ZSWIM2: variants seen among roughly 807,000 people sequenced by gnomAD.
ZSWIM2 encodes the protein zinc finger SWIM-type containing 2.
Under a neutral mutation model 48.4 loss-of-function variants are expected in ZSWIM2, and 38 were observed. The observed-to-expected ratio is 0.79, with a 90% CI of 0.61 to 1.03. The LOEUF (loss-of-function observed/expected upper bound fraction) is 1.03, where lower values mean the gene tolerates loss of function less well. Ranked by LOEUF, ZSWIM2 falls within the 50% of genes least tolerant of loss-of-function variation. The pLI is 0.00. For missense variants in ZSWIM2, 776 were observed against 730.2 expected (o/e 1.06, Z -0.72); for synonymous variants, 240 against 251.3 (o/e 0.96, Z 0.42).
At chr2:186,841,131 G>C (rs73037785) in intron 3 of ZSWIM2, among the ~76,000 whole-genome samples, 1,867 of 151,462 alleles carry the variant, frequency 0.012, 37 homozygotes, top group African/African-American at 0.042. Flanking sequence ...TTATTTGAAG[G>C]CATTTTAGAT....
rs1198346250 is a variant in ZSWIM2, at chr2:186,834,135, T to C, written c.744-105A>G. The C allele has an allele frequency of 6.4e-6, 5 of 781,944 alleles. No individual in the cohort carries two copies. In the African/African-American group the frequency reaches 7.0e-5, roughly 11 times the overall value. The allele number at this position is 781,944 out of a possible 1,614,324, so 48.4% of individuals were successfully genotyped here. Reference sequence around the variant, plus strand: ...AAACTTCCTGGGAACAATCCAAACATGACAAGGTTCACCTCAAGTCACACT... The same window carrying C: ...AAACTTCCTGGGAACAATCCAAACACGACAAGGTTCACCTCAAGTCACACT... On this transcript the variant is annotated intron_variant, in intron 5 of 8. Coordinates refer to ENST00000295131, the MANE Select transcript of ZSWIM2 (RefSeq NM_182521.3).
At chr2:186,841,841 G>C (rs554071270) in intron 3 of ZSWIM2, among the ~76,000 whole-genome samples, 1 of 151,006 alleles carries the variant, frequency 6.6e-6, no homozygotes, top group South Asian at 2.1e-4. Flanking sequence ...ACATCTTTCT[G>C]GTGAGAATTT....
chr2:186,832,417 C>T (rs938535629), intron 7 of ZSWIM2, among the ~76,000 whole-genome samples: 5 of 152,024 alleles, frequency 3.3e-5, no homozygotes, highest in East Asian at 3.9e-4. Context: ...CCACAGCGCC[C>T]GGCCTAAATT....
At chr2:186,848,759 CA>C (rs1692048324) in intron 1 of ZSWIM2, 2 of 590,108 alleles carry the variant, frequency 3.4e-6, no homozygotes, top group Non-Finnish European at 2.9e-6. Context: ...TCTTAACCTC[CA>C]AAAAAGAAAC....
At position 186,834,023 on chromosome 2, in the gene ZSWIM2, C is replaced by G. The variant is rs376901560; in HGVS notation, c.751G>C (p.Glu251Gln). The stretch of plus-strand genomic sequence containing the variant: ...TGGCATAAGTGATATTCTATGCATT[C>G]GGTACACCTAAAAATACAAAACATC... ...PIEGKCYKCT[E>Q]CIEYHLCQEC... The change falls in exon 6 of 9, where the codon GAA (glutamate) becomes CAA (glutamine). Residue 251 changes from glutamate to glutamine, a missense_variant. By Grantham distance (29) the Glu-to-Gln change is conservative. Transcript: ENST00000295131. 6.2e-7 allele frequency: 1 copy of G among 1,608,176 alleles called. No individual in the cohort carries two copies. The highest frequency in any genetic ancestry group is 8.5e-7 in the Non-Finnish European group (1 of 1,175,936).
chr2:186,836,821 AT>A (rs1453504340), intron 5 of ZSWIM2, among the ~76,000 whole-genome samples: 1 of 152,138 alleles, frequency 6.6e-6, no homozygotes, highest in African/African-American at 2.4e-5. Flanking sequence ...AAGATATGAA[AT>A]AAAACAAAAC....
At chr2:186,843,799 T>C (rs1691949969) in intron 3 of ZSWIM2, among the ~76,000 whole-genome samples, 1 of 151,424 alleles carries the variant, frequency 6.6e-6, no homozygotes. Context: ...GTTGGAGACA[T>C]GGAAAATGGG....
rs183278275 is a variant in ZSWIM2 at position 186,831,791 on chromosome 2, C to T, written c.941+1329G>A. Among the ~76,000 whole-genome samples the T allele has an allele frequency of 7.0e-3, 1,070 of 152,020 alleles. 13 individuals carry two copies. The highest frequency in any genetic ancestry group is 0.025 in the African/African-American group (1,017 of 41,430). On this transcript the variant is annotated intron_variant, in intron 7 of 8. Transcript: ENST00000295131. ...ATCGCAAGGACAAAAAACCAAACACCGCATGTTCTCACTCATAGGTGGGAA... is the reference window on the plus strand; with the variant it reads ...ATCGCAAGGACAAAAAACCAAACACTGCATGTTCTCACTCATAGGTGGGAA...
chr2:186,829,243 G>T (rs1414618314), intron 8 of ZSWIM2, among the ~76,000 whole-genome samples: 1 of 152,006 alleles, frequency 6.6e-6, no homozygotes, highest in East Asian at 1.9e-4. Context: ...TTTGTTTACT[G>T]AACCAACTTC....
intron 2 of ZSWIM2, among the ~76,000 whole-genome samples, chr2:186,846,786 C>CAT (rs746197579): frequency 5.6e-5 from 6 of 106,326 alleles, no homozygotes; most frequent in East Asian, 5.4e-4. Flanking sequence ...TGTGTATAAA[C>CAT]ATATATATAT....
chr2:186,832,322 A>G lies in ZSWIM2; in HGVS notation c.941+798T>C, dbSNP rs1019355383. 8.1e-4 allele frequency among the ~76,000 whole-genome samples: 123 copies of G among 151,538 alleles called. 2 individuals carry two copies. Among genetic ancestry groups the G allele is most frequent in the Admixed American group, 8.0e-3 (122 of 15,174 alleles). On this transcript the variant is annotated intron_variant, in intron 7 of 8. Transcript: ENST00000295131. ...TTTTTAGTAGAGGCATGGTTTCACC[A>G]TGTTGGCCAGGCTGGTCTCGAACTT... is the stretch of plus-strand genomic sequence containing the variant.
At chr2:186,836,219 G>C (rs73037777) in intron 5 of ZSWIM2, among the ~76,000 whole-genome samples, 1,877 of 152,064 alleles carry the variant, frequency 0.012, 37 homozygotes, top group African/African-American at 0.043. Context: ...CACCCCTCTT[G>C]AGAAAATTTA....
At chr2:186,845,397 A>C (rs908014557) in intron 2 of ZSWIM2, among the ~76,000 whole-genome samples, 2 of 151,418 alleles carry the variant, frequency 1.3e-5, no homozygotes, top group African/African-American at 4.8e-5. Context: ...TGGAAAAAAA[A>C]CTATTTTAAA....
chr2:186,844,616 A>G, intron 3 of ZSWIM2, 101 bp downstream of exon 3: 1 of 1,205,228 alleles, frequency 8.3e-7, no homozygotes, highest in Non-Finnish European at 1.1e-6. Context: ...AAAAGTAACC[A>G]TCTAAATTTA....
intron 6 of ZSWIM2, among the ~76,000 whole-genome samples, chr2:186,833,517 A>G (rs1036777957): frequency 3.9e-5 from 6 of 152,116 alleles, no homozygotes; most frequent in African/African-American, 1.2e-4. Context: ...CAGCATCAGG[A>G]GATACTTTTT....
intron 5 of ZSWIM2, among the ~76,000 whole-genome samples, chr2:186,834,834 C>T (rs1234259866): frequency 6.6e-6 from 1 of 152,162 alleles, no homozygotes; most frequent in African/African-American, 2.4e-5. Context: ...TTATACAAGA[C>T]TTATCCAAGC....
chr2:186,838,915 G>A, intron 4 of ZSWIM2, 44 bp downstream of exon 4: 1 of 1,549,088 alleles, frequency 6.5e-7, no homozygotes, highest in Non-Finnish European at 8.7e-7. Flanking sequence ...ATATGTTTTA[G>A]AATTTTTAAT....
At chr2:186,848,730 T>C (rs1262538723) in intron 1 of ZSWIM2, 9 of 464,710 alleles carry the variant, frequency 1.9e-5, no homozygotes, top group Non-Finnish European at 3.1e-5. Flanking sequence ...CATCATCTTT[T>C]ACAAGAGTTG....
intron 3 of ZSWIM2, 69 bp from the exon 4 acceptor site, chr2:186,839,238 G>T: frequency 7.2e-7 from 1 of 1,391,438 alleles, no homozygotes; most frequent in Non-Finnish European, 9.9e-7. Flanking sequence ...AACAACTTAT[G>T]CTGAAAGTTA....
Sources: allele counts gnomAD v4.1 joint callset (sites outside exome capture counted in the v4.1 genomes callset), GRCh38; gene constraint gnomAD v4.1.1; transcripts MANE v1.5; gene names NCBI Gene and HGNC (gene_info 2026-07-23, HGNC 2026-07-21).